The following ASCL5 variants were observed in gnomAD, a reference collection of about 807,000 sequenced individuals.
ASCL5 encodes achaete-scute family bHLH transcription factor 5.
For missense variants in ASCL5, 262 were observed against 268.9 expected, an observed-to-expected ratio of 0.97 and a Z score of 0.18; for synonymous variants, 124 against 131.5, an observed-to-expected ratio of 0.94 and a Z score of 0.39.
chr1:201,123,652 A>T (rs768840832), intron 1 of ASCL5, among the ~76,000 whole-genome samples: 5 of 152,194 alleles, frequency 3.3e-5, no homozygotes, highest in Non-Finnish European at 7.3e-5. Flanking sequence ...TCCAGGAATG[A>T]GTCTTTCTTA....
chr1:201,117,231 T>A (rs1558094617), intron 1 of ASCL5, among the ~76,000 whole-genome samples: 1 of 151,840 alleles, frequency 6.6e-6, no homozygotes, highest in Non-Finnish European at 1.5e-5. Flanking sequence ...AGGACAGGAG[T>A]TCGAGACCAG....
At chr1:201,125,347 A>T (rs1207213215) in intron 1 of ASCL5, among the ~76,000 whole-genome samples, 2 of 152,030 alleles carry the variant, frequency 1.3e-5, no homozygotes, top group Non-Finnish European at 2.9e-5. Context: ...CATATCCCCA[A>T]ATCAGCCCTC....
chr1:201,114,977 T>C lies in ASCL5; in HGVS notation c.396A>G (p.Ile132Met). Residue 132 changes from isoleucine (I) to methionine (M), a missense_variant, in exon 2 of 2, where the codon ATA (isoleucine) becomes ATG (methionine). Ile to Met is a conservative substitution (Grantham distance 10). Coordinates refer to ENST00000449188, the MANE Select transcript of ASCL5 (RefSeq NM_001270601.2). ...VETLRAAIRY[I>M]KYLQELLSSA... ...AGCTCAGCAGCTCTTGCAGGTACTT[T>C]ATGTAGCGGATGGCGGCGCGCAGCG... 1 of 1,231,476 alleles carries C rather than the reference T, an allele frequency of 8.1e-7. No individual in the cohort carries two copies. Among genetic ancestry groups the C allele is most frequent in the Non-Finnish European group, 1.0e-6 (1 of 987,870 alleles). 76.3% of individuals were successfully genotyped at this position (1,231,476 alleles called of 1,614,324 possible).
At chr1:201,120,297 C>T (rs1360903124) in intron 1 of ASCL5, among the ~76,000 whole-genome samples, 1 of 152,156 alleles carries the variant, frequency 6.6e-6, no homozygotes, top group Non-Finnish European at 1.5e-5. Context: ...CTTGTTGTCC[C>T]TATTGCCAGA....
Position 201,114,951 on chromosome 1 carries a change from G to C in ASCL5, c.422C>G (p.Ser141Trp), listed in dbSNP as rs952528794. ...YIKYLQELLS[S>W]APDGSTPPAS... is the part of the protein sequence containing the mutation. ...GGGGGGCGTCGAGCCGTCGGGGGCC[G>C]AGCTCAGCAGCTCTTGCAGGTACTT... Residue 141 changes from serine to tryptophan, a missense_variant, in exon 2 of 2, where the codon TCG (serine) becomes TGG (tryptophan). Physicochemically the swap from Ser to Trp is radical, Grantham distance 177. Coordinates refer to ENST00000449188, the MANE Select transcript of ASCL5 (RefSeq NM_001270601.2). The C allele has an allele frequency of 2.4e-6, 3 of 1,231,272 alleles. No individual in the cohort carries two copies. In the African/African-American group the frequency reaches 4.7e-5, roughly 19 times the overall value. The allele number at this position is 1,231,272 out of a possible 1,614,324, so 76.3% of individuals were successfully genotyped here.
In ASCL5 at chr1:201,115,515, C is replaced by T. The variant is rs899622326; in HGVS notation, c.-143G>A. ...GGACTTGCTAGGGCCTCTTTTCGCC[C>T]TTTAGGGTGGCTTCCAATGACTCCC... On this transcript the variant is annotated 5_prime_UTR_variant, in exon 2 of 2. Transcript: ENST00000449188. The T allele has an allele frequency of 3.4e-6, 2 of 584,772 alleles. No individual in the cohort carries two copies. The highest frequency in any genetic ancestry group is 3.8e-5 in the African/African-American group (2 of 51,980). The allele number at this position is 584,772 out of a possible 1,614,324, so 36.2% of individuals were successfully genotyped here.
chr1:201,114,731 C>G lies in ASCL5; in HGVS notation c.*21G>C. 8.1e-7 allele frequency: 1 copy of G among 1,230,680 alleles called. No individual in the cohort carries two copies. 76.2% of individuals were successfully genotyped at this position (1,230,680 alleles called of 1,614,324 possible). On this transcript the variant is annotated 3_prime_UTR_variant, in exon 2 of 2. Transcript: ENST00000449188. ...GGGGCCGGCGGATCATCCTCCAAGC[C>G]GGGGGCGGCCACAGGCCCGATCAAT...
intron 1 of ASCL5, among the ~76,000 whole-genome samples, chr1:201,118,163 C>T (rs994609170): frequency 1.3e-5 from 2 of 152,080 alleles, no homozygotes; most frequent in African/African-American, 4.8e-5. Flanking sequence ...ATTTCTTAAG[C>T]CAATTCTGTC....
Position 201,115,326 on chromosome 1 carries a change from C to G in ASCL5, c.47G>C (p.Gly16Ala). ...GCCCAGCTGCATGCAGCTGGGGGGC[C>G]CCAGAGGCCTCCGGTCCACCAGAGC... is the stretch of plus-strand genomic sequence containing the variant. ...CRALVDRRPLGPPSCMQLGVM... is the reference protein window; with the variant it reads ...CRALVDRRPLAPPSCMQLGVM... Residue 16 changes from glycine to alanine, a missense_variant, in exon 2 of 2, where the codon GGG (glycine) becomes GCG (alanine). Physicochemically the swap from Gly to Ala is moderately conservative, Grantham distance 60 (BLOSUM62 0). Transcript: ENST00000449188. 8.1e-7 allele frequency: 1 copy of G among 1,231,264 alleles called. No homozygotes were observed. The allele number at this position is 1,231,264 out of a possible 1,614,324, so 76.3% of individuals were successfully genotyped here.
intron 1 of ASCL5, among the ~76,000 whole-genome samples, chr1:201,118,486 A>G: frequency 6.8e-6 from 1 of 147,436 alleles, no homozygotes; most frequent in South Asian, 2.2e-4. Context: ...CCCTGTCTCA[A>G]GAAAAAAAAA....
chr1:201,123,210 T>C (rs1319530526), intron 1 of ASCL5, among the ~76,000 whole-genome samples: 1 of 152,194 alleles, frequency 6.6e-6, no homozygotes, highest in Non-Finnish European at 1.5e-5. Context: ...CTCCAATCTT[T>C]GAATGAAAAG....
At chr1:201,119,840 T>C (rs1663413455) in intron 1 of ASCL5, among the ~76,000 whole-genome samples, 1 of 152,062 alleles carries the variant, frequency 6.6e-6, no homozygotes, top group African/African-American at 2.4e-5. Flanking sequence ...AGTGAACCCA[T>C]TGATTGCATT....
intron 1 of ASCL5, among the ~76,000 whole-genome samples, chr1:201,124,413 C>A (rs1259473144): frequency 6.6e-6 from 1 of 152,194 alleles, no homozygotes; most frequent in African/African-American, 2.4e-5. Context: ...GCCCTACTGC[C>A]CTAGGCTCCA....
rs976704905 is a variant in ASCL5 at position 201,114,767 on chromosome 1, C to T, written c.606G>A (p.Glu202=). Residue 202 remains glutamate, a synonymous_variant, in exon 2 of 2, where the codon GAG becomes GAA. Coordinates refer to ENST00000449188, the MANE Select transcript of ASCL5 (RefSeq NM_001270601.2). ...ACAGGCCCGATCAATGCCAGGATTC[C>T]TCCGACTCCAAGAAAGGCGACGGGG... ...CFSPSPFLES[E]ESWH 4.8e-5 allele frequency: 59 copies of T among 1,231,112 alleles called. No homozygotes were observed. The highest frequency in any genetic ancestry group is 1.2e-4 in the South Asian group (3 of 24,324). 76.3% of individuals were successfully genotyped at this position (1,231,112 alleles called of 1,614,324 possible).
At position 201,115,277 on chromosome 1, in the gene ASCL5, C is replaced by G. The variant is rs929566684; in HGVS notation, c.96G>C (p.Ala32=). The part of the protein sequence containing the change: ...QLGVMPPPRQ[A]PLPPAEPLGN... ...CCAGGGGCTCGGCGGGGGGCAGGGG[C>G]GCCTGCCGGGGAGGGGGCATGACGC... Residue 32 remains alanine, a synonymous_variant, in exon 2 of 2, where the codon GCG becomes GCC. Transcript: ENST00000449188. 3.4e-5 allele frequency: 42 copies of G among 1,231,026 alleles called. No homozygotes were observed. Among genetic ancestry groups the G allele is most frequent in the Non-Finnish European group, 4.2e-5 (41 of 987,612 alleles). 76.3% of individuals were successfully genotyped at this position (1,231,026 alleles called of 1,614,324 possible).
At chr1:201,116,936 G>A (rs549847502) in intron 1 of ASCL5, among the ~76,000 whole-genome samples, 30 of 152,286 alleles carry the variant, frequency 2.0e-4, no homozygotes, top group African/African-American at 7.2e-4. Context: ...CTCTCCAAGA[G>A]ACAGAAAGGA....
At chr1:201,125,874 G>C (rs114192584) in intron 1 of ASCL5, among the ~76,000 whole-genome samples, 27 of 152,298 alleles carry the variant, frequency 1.8e-4, no homozygotes, top group African/African-American at 6.0e-4. Context: ...CTCACGAGCC[G>C]TGTCACCTTC....
At chr1:201,120,137 A>C (rs1362451719) in intron 1 of ASCL5, among the ~76,000 whole-genome samples, 3 of 152,170 alleles carry the variant, frequency 2.0e-5, no homozygotes, top group Non-Finnish European at 1.5e-5. Flanking sequence ...GCCAGCTATC[A>C]TCAATTATTG....
chr1:201,123,939 G>A (rs1432277041), intron 1 of ASCL5, among the ~76,000 whole-genome samples: 1 of 152,200 alleles, frequency 6.6e-6, no homozygotes, highest in Non-Finnish European at 1.5e-5. Context: ...GAAGGGAAAG[G>A]TGAGACCCTG....
Sources: allele counts gnomAD v4.1 joint callset (sites outside exome capture counted in the v4.1 genomes callset), GRCh38; gene constraint gnomAD v4.1.1; transcripts MANE v1.5; gene names NCBI Gene and HGNC (gene_info 2026-07-23, HGNC 2026-07-21).